SLX4IP: variants seen among roughly 807,000 people sequenced by gnomAD.
SLX4IP encodes protein SLX4IP.
A neutral mutation model predicts 32.9 loss-of-function variants in SLX4IP; 34 were observed. The ratio of observed to expected loss-of-function variants is 1.03; its 90% CI spans 0.79 to 1.38. The LOEUF is 1.38. SLX4IP is among the 40% of genes most tolerant of loss of function. SLX4IP has a pLI of 0.00. For missense variants in SLX4IP, 444 were observed against 479.0 expected, an observed-to-expected ratio of 0.93 and a Z score of 0.68; for synonymous variants, 172 against 171.7, an observed-to-expected ratio of 1.00 and a Z score of -0.01.
chr20:10,471,138 A>G (rs1019850212), intron 2 of SLX4IP, among the ~76,000 whole-genome samples: 1 of 152,212 alleles, frequency 6.6e-6, no homozygotes, highest in African/African-American at 2.4e-5. Flanking sequence ...TAATTATTTT[A>G]TTATCTTACA....
At chr20:10,617,291 C>CATCCCAG (rs944400477) in intron 6 of SLX4IP, among the ~76,000 whole-genome samples, 1 of 152,228 alleles carries the variant, frequency 6.6e-6, no homozygotes, top group African/African-American at 2.4e-5. Context: ...GCCCTCGCCC[C>CATCCCAG]ATCCCAGATC....
intron 2 of SLX4IP, among the ~76,000 whole-genome samples, chr20:10,502,932 T>C (rs1048106906): frequency 1.3e-5 from 2 of 152,244 alleles, no homozygotes; most frequent in African/African-American, 4.8e-5. Context: ...TAGTATGTTC[T>C]AGTAGCCCTT....
intron 2 of SLX4IP, among the ~76,000 whole-genome samples, chr20:10,458,700 T>G (rs1600892505): frequency 6.6e-6 from 1 of 152,244 alleles, no homozygotes; most frequent in Non-Finnish European, 1.5e-5. Flanking sequence ...TTTTGTTCCT[T>G]TTTATGGCTG....
At chr20:10,457,409 C>CT (rs199553179) in intron 1 of SLX4IP, among the ~76,000 whole-genome samples, 3,277 of 140,674 alleles carry the variant, frequency 0.023, 58 homozygotes, top group Non-Finnish European at 0.035. Context: ...ATTGTGTTGG[C>CT]TTTTTTTTGT....
intron 4 of SLX4IP, among the ~76,000 whole-genome samples, chr20:10,585,962 G>A (rs2066641149): frequency 6.6e-6 from 1 of 151,750 alleles, no homozygotes; most frequent in Non-Finnish European, 1.5e-5. Flanking sequence ...CATCTCTAAA[G>A]CTTGGTTTAT....
chr20:10,474,049 C>G (rs1029903357), intron 2 of SLX4IP, among the ~76,000 whole-genome samples: 1 of 152,148 alleles, frequency 6.6e-6, no homozygotes, highest in Non-Finnish European at 1.5e-5. Flanking sequence ...TCTCAAACTC[C>G]TGACCTCAGA....
chr20:10,554,926 C>T (rs1028024388), intron 2 of SLX4IP, among the ~76,000 whole-genome samples: 3 of 151,816 alleles, frequency 2.0e-5, no homozygotes, highest in South Asian at 2.1e-4. Flanking sequence ...GTGCTTTTTT[C>T]GTTAACAGAA....
intron 4 of SLX4IP, among the ~76,000 whole-genome samples, chr20:10,589,686 A>C (rs868288104): frequency 6.6e-6 from 1 of 152,216 alleles, no homozygotes; most frequent in Non-Finnish European, 1.5e-5. Context: ...CACAAAGTCA[A>C]TGTTCATAGT....
intron 4 of SLX4IP, among the ~76,000 whole-genome samples, chr20:10,579,384 T>C (rs1399737370): frequency 3.9e-5 from 6 of 152,140 alleles, no homozygotes; most frequent in African/African-American, 1.4e-4. Context: ...TGTGAGTGTT[T>C]ATTTCTGGAC....
chr20:10,524,153 G>A (rs2065923026), intron 2 of SLX4IP, among the ~76,000 whole-genome samples: 2 of 152,238 alleles, frequency 1.3e-5, no homozygotes, highest in African/African-American at 2.4e-5. Context: ...CTTTGTGATG[G>A]AAGAGAGCTG....
intron 6 of SLX4IP, chr20:10,614,082 C>G: frequency 1.3e-6 from 2 of 1,543,268 alleles, no homozygotes; most frequent in East Asian, 2.3e-5. Flanking sequence ...CTCGCCCACC[C>G]GGTCCAGGTG....
chr20:10,478,135 G>C (rs894377551), intron 2 of SLX4IP, among the ~76,000 whole-genome samples: 1 of 152,056 alleles, frequency 6.6e-6, no homozygotes, highest in Non-Finnish European at 1.5e-5. Flanking sequence ...CTGAGCTCAG[G>C]CATTCCACCC....
At chr20:10,606,242 T>G (rs895879865) in intron 6 of SLX4IP, among the ~76,000 whole-genome samples, 4 of 152,196 alleles carry the variant, frequency 2.6e-5, no homozygotes, top group African/African-American at 7.2e-5. Flanking sequence ...AAATAGAAAT[T>G]ATAAGCTAAC....
chr20:10,537,207 G>A (rs1030439032), intron 2 of SLX4IP, among the ~76,000 whole-genome samples: 3 of 152,120 alleles, frequency 2.0e-5, no homozygotes, highest in African/African-American at 2.4e-5. Context: ...CTGAAATAAC[G>A]CACTGTGTTG....
chr20:10,509,135 C>A (rs1379485418), intron 2 of SLX4IP, among the ~76,000 whole-genome samples: 3 of 152,184 alleles, frequency 2.0e-5, no homozygotes, highest in African/African-American at 7.2e-5. Context: ...AACGTCTGAC[C>A]TAGTGCCAGG....
rs761787290 is a variant in SLX4IP at position 10,623,204 on chromosome 20, C to G, written c.1052C>G (p.Ala351Gly). 1 of 1,614,160 alleles carries G rather than the reference C, an allele frequency of 6.2e-7. No individual in the cohort carries two copies. The highest frequency in any genetic ancestry group is 8.5e-7 in the Non-Finnish European group (1 of 1,180,026). The change falls in exon 8 of 8, where the codon GCA (alanine) becomes GGA (glycine). Residue 351 changes from alanine (A) to glycine (G), a missense_variant. Ala to Gly is a moderately conservative substitution (Grantham distance 60). Transcript: ENST00000334534. ...GGGTTACTTTTGAAACAAGATTTGG[C>G]AAAAACCACGTCTAAGGAAGAGTTG... The part of the protein sequence containing the change: ...DPGLLLKQDL[A>G]KTTSKEELHV...
chr20:10,509,937 A>G (rs1452880674), intron 2 of SLX4IP, among the ~76,000 whole-genome samples: 1 of 152,160 alleles, frequency 6.6e-6, no homozygotes, highest in Non-Finnish European at 1.5e-5. Flanking sequence ...TCGGCCTCCC[A>G]AATTGCTGGG....
intron 4 of SLX4IP, among the ~76,000 whole-genome samples, chr20:10,562,712 A>G (rs1421985711): frequency 6.6e-6 from 1 of 152,108 alleles, no homozygotes; most frequent in Non-Finnish European, 1.5e-5. Flanking sequence ...CCATATCACC[A>G]TGAATGACAG....
chr20:10,565,034 C>T (rs1601008374), intron 4 of SLX4IP, among the ~76,000 whole-genome samples: 1 of 152,068 alleles, frequency 6.6e-6, no homozygotes, highest in South Asian at 2.1e-4. Flanking sequence ...TTTGCCTTTT[C>T]CCTCCTAATT....
Sources: gnomAD v4.1 joint callset for allele counts (sites outside exome capture counted in the v4.1 genomes callset) on GRCh38, gnomAD v4.1.1 for gene constraint, MANE v1.5 for transcripts, NCBI Gene and HGNC (gene_info 2026-07-23, HGNC 2026-07-21) for gene names.